Variants in ABCA1 observed in about 807,000 individuals in gnomAD.
ABCA1 encodes ATP binding cassette subfamily A member 1, also known as phospholipid-transporting ATPase ABCA1.
A neutral mutation model predicts 262.5 loss-of-function variants in ABCA1; 133 were observed. That is an observed-to-expected ratio of 0.51 (90% confidence interval 0.44 to 0.59). The LOEUF (loss-of-function observed/expected upper bound fraction) is 0.59. ABCA1 is among the 20% of genes least tolerant of loss of function. The pLI is 0.00. For missense variants in ABCA1, 2,452 were observed against 2,777.5 expected (o/e 0.88, Z 2.63); for synonymous variants, 1,022 against 1,043.5 (o/e 0.98, Z 0.40).
In ABCA1 at chr9:104,861,736, G is replaced by C. The variant is rs993164268; in HGVS notation, c.486C>G (p.Leu162=). The C allele has an allele frequency of 3.7e-6, 6 of 1,613,772 alleles. No individual in the cohort carries two copies. The highest frequency in any genetic ancestry group is 2.7e-5 in the African/African-American group (2 of 74,850). ...ETFSGFLYHN[L]SLPKSTVDKM... ...TGTCCACAGTAGACTTTGGGAGAGA[G>C]AGGTTGTGATACAGGAACCCAGAGA... The change falls in exon 6 of 50, where the codon CTC becomes CTG. Residue 162 remains leucine (L), a synonymous_variant. Coordinates refer to ENST00000374736, the MANE Select transcript of ABCA1 (RefSeq NM_005502.4).
Position 104,793,280 on chromosome 9 carries a change from G to A in ABCA1, c.5527C>T (p.Pro1843Ser), listed in dbSNP as rs1829588980. The change falls in exon 41 of 50, where the codon CCA becomes TCA. Residue 1843 changes from proline to serine, a missense_variant. Around this residue, in one of 4 missense-constraint regions of ABCA1, gnomAD observed 752 missense variants for 944.5 expected, o/e 0.80. Transcript: ENST00000374736. ...CGTCCCACCAAGTCCCAAGATAATG[G>A]TGACACAAAGCGATTCTCCCCTAGT... ...ERFGENRFVS[P>S]LSWDLVGRNL... 2.5e-6 allele frequency: 4 copies of A among 1,613,970 alleles called. No individual in the cohort carries two copies. The highest frequency in any genetic ancestry group is 1.7e-5 in the Admixed American group (1 of 59,996).
intron 3 of ABCA1, among the ~76,000 whole-genome samples, chr9:104,886,830 C>G (rs1839219826): frequency 6.6e-6 from 1 of 152,210 alleles, no homozygotes; most frequent in Non-Finnish European, 1.5e-5. Context: ...CTTGATAACT[C>G]TGGTTTGAAC....
At position 104,793,186 on chromosome 9, in the gene ABCA1, A is replaced by C. The variant is rs754410874; in HGVS notation, c.5621T>G (p.Phe1874Cys). 56 of 1,613,968 alleles carry C rather than the reference A, an allele frequency of 3.5e-5. No homozygotes were observed. Among genetic ancestry groups the C allele is most frequent in the Non-Finnish European group, 4.7e-5 (55 of 1,180,002 alleles). The stretch of plus-strand genomic sequence containing the variant: ...AAAAGCTCACCTGGGCCTGATGAAG[A>C]ATCTGTACTGGATCAGAACAGTAAT... ...FLITVLIQYR[F>C]FIRPRPVNAK... Residue 1874 changes from phenylalanine to cysteine, a missense_variant, in exon 41 of 50, where the codon TTC becomes TGC. Around this residue, in one of 4 missense-constraint regions of ABCA1, gnomAD observed 752 missense variants for 944.5 expected, o/e 0.80. Transcript: ENST00000374736.
intron 5 of ABCA1, among the ~76,000 whole-genome samples, chr9:104,862,706 C>CG (rs1564200131): frequency 7.8e-5 from 1 of 12,750 alleles, no homozygotes; most frequent in African/African-American, 3.6e-4. Flanking sequence ...GGCCGGCCCC[C>CG]ACCCCCACCC....
intron 42 of ABCA1, 62 bp from the exon 43 acceptor site, chr9:104,792,060 T>C (rs1829473862): frequency 1.3e-6 from 2 of 1,491,774 alleles, no homozygotes; most frequent in Admixed American, 1.8e-5. Context: ...CCCAAGCAAC[T>C]GTGGAAGGCA....
intron 1 of ABCA1, among the ~76,000 whole-genome samples, chr9:104,916,841 A>T (rs1310533893): frequency 6.6e-6 from 1 of 151,166 alleles, no homozygotes; most frequent in Non-Finnish European, 1.5e-5. Flanking sequence ...CACCGTGCCC[A>T]GCCAGAAAAT....
rs75150053 is a variant in ABCA1 at position 104,867,464 on chromosome 9, A to G, written c.422-5664T>C. The stretch of plus-strand genomic sequence containing the variant: ...ACCTTAAAGCATATTCAGAATAGAC[A>G]AGACACAGAAGTGGCTTTGGCGGCT... On this transcript the variant is annotated intron_variant, in intron 5 of 49. Transcript: ENST00000374736. Among the ~76,000 whole-genome samples, 17 of 152,348 alleles carry G rather than the reference A, an allele frequency of 1.1e-4. No homozygotes were observed. The East Asian group carries it at 3.1e-3, about 28-fold the overall frequency.
At chr9:104,814,281 C>A in intron 26 of ABCA1, 50 bp from the exon 27 acceptor site, 1 of 1,596,074 alleles carries the variant, frequency 6.3e-7, no homozygotes. Context: ...TACAACAAAA[C>A]AAACCTTCCC....
chr9:104,864,953 TA>T (rs1394434012), intron 5 of ABCA1, among the ~76,000 whole-genome samples: 2 of 152,178 alleles, frequency 1.3e-5, no homozygotes, highest in Non-Finnish European at 2.9e-5. Flanking sequence ...AGAGACTGAT[TA>T]AACAGTCAAC....
intron 1 of ABCA1, among the ~76,000 whole-genome samples, chr9:104,913,920 C>G (rs892318333): frequency 6.6e-6 from 1 of 151,994 alleles, no homozygotes; most frequent in Non-Finnish European, 1.5e-5. Flanking sequence ...CTCAGCCTCC[C>G]GAGTAGCTGG....
intron 5 of ABCA1, among the ~76,000 whole-genome samples, chr9:104,872,216 G>A (rs1012409029): frequency 2.0e-5 from 3 of 152,156 alleles, no homozygotes; most frequent in African/African-American, 4.8e-5. Flanking sequence ...TTTTTCAAAT[G>A]AGGAAACAGA....
At position 104,792,883 on chromosome 9, in the gene ABCA1, G is replaced by A. The variant is rs748065798; in HGVS notation, c.5660C>T (p.Pro1887Leu). The change falls in exon 42 of 50, where the codon CCT becomes CTT. Residue 1887 changes from proline (P) to leucine (L), a missense_variant. By Grantham distance (98) the Pro-to-Leu change is moderately conservative. Transcript: ENST00000374736. ...CACATCTTCATCTTCATCATTCAGA[G>A]GAGATAGCTTTGCATTTACAGGTCT... is the stretch of plus-strand genomic sequence containing the variant. ...RPRPVNAKLSPLNDEDEDVRR... is the reference protein window; with the variant it reads ...RPRPVNAKLSLLNDEDEDVRR... 1.8e-5 allele frequency: 29 copies of A among 1,614,012 alleles called. No individual in the cohort carries two copies. The highest frequency in any genetic ancestry group is 2.5e-5 in the Non-Finnish European group (29 of 1,179,992).
chr9:104,890,121 C>T (rs1839578802), intron 2 of ABCA1, among the ~76,000 whole-genome samples: 1 of 152,200 alleles, frequency 6.6e-6, no homozygotes. Context: ...CCATTCCTTT[C>T]ATTTCTATAT....
intron 2 of ABCA1, among the ~76,000 whole-genome samples, chr9:104,901,048 C>T (rs1840623351): frequency 6.6e-6 from 1 of 152,178 alleles, no homozygotes; most frequent in South Asian, 2.1e-4. Context: ...ATCTGCAATA[C>T]CAAGCAAGAA....
intron 7 of ABCA1, chr9:104,855,278 C>T (rs913624159): frequency 2.1e-6 from 1 of 465,178 alleles, no homozygotes; most frequent in South Asian, 9.2e-5. Context: ...CTCACTGCAA[C>T]TTCCACCTCC....
intron 8 of ABCA1, among the ~76,000 whole-genome samples, chr9:104,844,228 G>T (rs1364249950): frequency 6.6e-6 from 1 of 152,044 alleles, no homozygotes; most frequent in African/African-American, 2.4e-5. Context: ...TAGAGAAATA[G>T]CTACGGACTT....
chr9:104,905,039 G>C (rs991593470), intron 1 of ABCA1, among the ~76,000 whole-genome samples: 2 of 152,158 alleles, frequency 1.3e-5, no homozygotes, highest in African/African-American at 4.8e-5. Flanking sequence ...CTGGGGAGGG[G>C]GCAGAAGATG....
At chr9:104,867,370 G>C (rs186054535) in intron 5 of ABCA1, among the ~76,000 whole-genome samples, 1 of 152,198 alleles carries the variant, frequency 6.6e-6, no homozygotes, top group Non-Finnish European at 1.5e-5. Flanking sequence ...TAAGGTGCCC[G>C]GTAAAGGATG....
chr9:104,809,054 A>G (rs1179268020), intron 30 of ABCA1, among the ~76,000 whole-genome samples: 1 of 152,268 alleles, frequency 6.6e-6, no homozygotes, highest in Non-Finnish European at 1.5e-5. Flanking sequence ...AAAAATTCAT[A>G]TGCCATCTTT....
Sources: allele counts gnomAD v4.1 joint callset (sites outside exome capture counted in the v4.1 genomes callset), GRCh38; gene constraint gnomAD v4.1.1; regional missense constraint gnomAD v4.1.1; transcripts MANE v1.5; gene names NCBI Gene and HGNC (gene_info 2026-07-23, HGNC 2026-07-21).